P2RY12: variants seen among roughly 807,000 people sequenced by gnomAD.
The protein encoded by P2RY12 is purinergic receptor P2Y12, also known as P2Y purinoceptor 12.
A neutral mutation model predicts 4.5 loss-of-function variants in P2RY12; 3 were observed. The ratio of observed to expected loss-of-function variants is 0.67; its 90% CI spans 0.31 to 1.74. The LOEUF is 1.74. Among genes scored for constraint, P2RY12 ranks in the 40% most tolerant of loss-of-function variants. P2RY12 has a pLI of 0.09. For missense variants in P2RY12, 356 were observed against 407.8 expected, an observed-to-expected ratio of 0.87 and a Z score of 1.09; for synonymous variants, 148 against 154.1, an observed-to-expected ratio of 0.96 and a Z score of 0.29.
intron 1 of P2RY12, chr3:151,365,783 G>T: frequency 7.6e-7 from 1 of 1,322,448 alleles, no homozygotes; most frequent in Non-Finnish European, 1.0e-6. Flanking sequence ...TGTTAATTAA[G>T]TATATCACAG....
chr3:151,355,195 C>G lies in P2RY12; in HGVS notation c.-179-14435G>C, dbSNP rs200848773. Reference sequence around the variant, plus strand: ...AACACTGGAGACTGTGTTCACTAAACTCCAGCTCCTTTCATATTTTGATCA... The same window carrying G: ...AACACTGGAGACTGTGTTCACTAAAGTCCAGCTCCTTTCATATTTTGATCA... On this transcript the variant is annotated intron_variant, in intron 1 of 2. Coordinates refer to ENST00000302632, the MANE Select transcript of P2RY12 (RefSeq NM_022788.5). The G allele has an allele frequency of 1.9e-6, 3 of 1,613,820 alleles. No homozygotes were observed. Among genetic ancestry groups the G allele is most frequent in the Non-Finnish European group, 1.7e-6 (2 of 1,179,840 alleles).
intron 1 of P2RY12, among the ~76,000 whole-genome samples, chr3:151,379,637 T>C (rs1711879880): frequency 6.6e-6 from 1 of 152,178 alleles, no homozygotes; most frequent in Admixed American, 6.5e-5. Context: ...TTTTTGGTCT[T>C]GGGAAATGTG....
At chr3:151,376,903 T>G in intron 1 of P2RY12, 1 of 1,612,204 alleles carries the variant, frequency 6.2e-7, no homozygotes, top group Non-Finnish European at 8.5e-7. Flanking sequence ...CTTATCTCTG[T>G]ATGAAATTTT....
intron 1 of P2RY12, chr3:151,383,814 C>T (rs1712841220): frequency 1.2e-6 from 2 of 1,613,846 alleles, no homozygotes; most frequent in Non-Finnish European, 1.7e-6. Flanking sequence ...AGAGGAGCAC[C>T]CAGTGGACTA....
chr3:151,364,591 T>C (rs761323275), intron 1 of P2RY12, among the ~76,000 whole-genome samples: 4 of 152,218 alleles, frequency 2.6e-5, no homozygotes, highest in South Asian at 2.1e-4. Flanking sequence ...AGTACTCTTA[T>C]GTGTAATTGA....
chr3:151,368,628 T>TCA (rs1207530460), intron 1 of P2RY12, among the ~76,000 whole-genome samples: 18 of 69,514 alleles, frequency 2.6e-4, no homozygotes, highest in Admixed American at 2.1e-3. Context: ...TTATTTTATT[T>TCA]TATTTCATTT....
intron 1 of P2RY12, among the ~76,000 whole-genome samples, chr3:151,345,898 C>T (rs899228874): frequency 6.6e-6 from 1 of 152,134 alleles, no homozygotes; most frequent in African/African-American, 2.4e-5. Context: ...AATGCCTCTG[C>T]CTGTCCTATT....
At chr3:151,367,610 G>A (rs760153723) in intron 1 of P2RY12, 8 of 1,562,720 alleles carry the variant, frequency 5.1e-6, no homozygotes, top group Non-Finnish European at 7.0e-6. Flanking sequence ...TTACAAGGTT[G>A]TTAGGTATTA....
At chr3:151,383,742 A>G (rs1182617869) in intron 1 of P2RY12, 2 of 1,389,016 alleles carry the variant, frequency 1.4e-6, no homozygotes, top group East Asian at 4.6e-5. Flanking sequence ...TTTCTGTTTT[A>G]CAGAATGCAA....
intron 1 of P2RY12, among the ~76,000 whole-genome samples, chr3:151,361,575 T>G (rs1754619308): frequency 6.6e-6 from 1 of 152,186 alleles, no homozygotes; most frequent in African/African-American, 2.4e-5. Flanking sequence ...AAGGAATATT[T>G]TATTGTTTAA....
chr3:151,372,632 T>G, intron 1 of P2RY12: 1 of 1,613,968 alleles, frequency 6.2e-7, no homozygotes, highest in Non-Finnish European at 8.5e-7. Flanking sequence ...CATGAGAGGT[T>G]TGCGATGTGA....
chr3:151,351,888 G>C (rs1753280490), intron 1 of P2RY12, among the ~76,000 whole-genome samples: 1 of 152,098 alleles, frequency 6.6e-6, no homozygotes, highest in Non-Finnish European at 1.5e-5. Flanking sequence ...TCCTGTCTTT[G>C]TAGCAGTCCC....
intron 1 of P2RY12, chr3:151,357,464 A>AGGGCCGGGCGCG: frequency 8.5e-7 from 1 of 1,180,220 alleles, no homozygotes; most frequent in Non-Finnish European, 1.2e-6. Context: ...AAAGAAAAAT[A>AGGGCCGGGCGCG]GTACTGATAC....
intron 1 of P2RY12, chr3:151,355,036 C>A: frequency 1.1e-6 from 1 of 935,060 alleles, no homozygotes; most frequent in Non-Finnish European, 1.7e-6. Context: ...TGTATGTATG[C>A]TATACTTTAA....
At chr3:151,363,329 G>A (rs532834314) in intron 1 of P2RY12, among the ~76,000 whole-genome samples, 1 of 152,294 alleles carries the variant, frequency 6.6e-6, no homozygotes, top group South Asian at 2.1e-4. Flanking sequence ...ATTTCTATCA[G>A]TATGCTGATA....
chr3:151,347,149 A>G (rs1282339844), intron 1 of P2RY12, among the ~76,000 whole-genome samples: 1 of 124,224 alleles, frequency 8.0e-6, no homozygotes, highest in East Asian at 2.1e-4. Context: ...TTCACCCTAC[A>G]AACTTTTTTA....
At chr3:151,372,817 G>C (rs778710469) in intron 1 of P2RY12, 1 of 1,436,170 alleles carries the variant, frequency 7.0e-7, no homozygotes, top group Admixed American at 1.7e-5. Flanking sequence ...TCTTCTTTTG[G>C]AGAGAGCTAC....
At chr3:151,371,566 A>G (rs1179007147) in intron 1 of P2RY12, among the ~76,000 whole-genome samples, 3 of 152,166 alleles carry the variant, frequency 2.0e-5, no homozygotes, top group Non-Finnish European at 2.9e-5. Flanking sequence ...CATTTTTTTC[A>G]GCAAAGTCAA....
intron 1 of P2RY12, among the ~76,000 whole-genome samples, chr3:151,365,590 T>C (rs1755175091): frequency 6.6e-6 from 1 of 152,240 alleles, no homozygotes. Flanking sequence ...CTCAGATTTA[T>C]TCACGAAACT....
Sources: gnomAD v4.1 joint callset for allele counts (sites outside exome capture counted in the v4.1 genomes callset) on GRCh38, gnomAD v4.1.1 for gene constraint, MANE v1.5 for transcripts, NCBI Gene and HGNC (gene_info 2026-07-23, HGNC 2026-07-21) for gene names.